The following LOXL2 variants were observed in gnomAD, a reference collection of about 807,000 sequenced individuals.
The protein encoded by LOXL2 is lysyl oxidase homolog 2.
LOXL2 carries 70 observed loss-of-function variants against 93.0 expected under a neutral mutation model. The observed-to-expected ratio is 0.75, with a 90% CI of 0.62 to 0.92. LOXL2 has a LOEUF of 0.92. Ranked by LOEUF, LOXL2 falls within the 40% of genes least tolerant of loss-of-function variation. The pLI, the probability that LOXL2 is intolerant of heterozygous loss-of-function variation, is 0.00. For missense variants in LOXL2, 973 were observed against 1,054.9 expected (o/e 0.92, Z 1.08); for synonymous variants, 438 against 413.2 (o/e 1.06, Z -0.73).
intron 1 of LOXL2, chr8:23,386,112 C>A: frequency 1.3e-6 from 1 of 752,196 alleles, no homozygotes; most frequent in South Asian, 1.4e-5. Flanking sequence ...AAAAAGTGAT[C>A]AAGCTGGAAT....
chr8:23,387,696 TC>T (rs977390057), intron 1 of LOXL2, among the ~76,000 whole-genome samples: 1 of 152,178 alleles, frequency 6.6e-6, no homozygotes, highest in Non-Finnish European at 1.5e-5. Flanking sequence ...ATGCCTGTAA[TC>T]CCAGCACTTT....
intron 3 of LOXL2, among the ~76,000 whole-genome samples, chr8:23,349,013 T>C (rs200862257): frequency 1.3e-5 from 1 of 78,242 alleles, no homozygotes; most frequent in African/African-American, 1.3e-4. Context: ...CTCTTCCTCT[T>C]TTCATCGAGT....
chr8:23,343,436 G>A (rs957104411), intron 3 of LOXL2, among the ~76,000 whole-genome samples: 5 of 152,250 alleles, frequency 3.3e-5, no homozygotes, highest in African/African-American at 9.6e-5. Context: ...CTGTGGGCGG[G>A]CCAGGGACTG....
chr8:23,371,302 C>A (rs1256997874), intron 1 of LOXL2, among the ~76,000 whole-genome samples: 2 of 152,108 alleles, frequency 1.3e-5, no homozygotes, highest in African/African-American at 4.8e-5. Context: ...GGGAATTCTT[C>A]AGGCAAAAGG....
intron 6 of LOXL2, among the ~76,000 whole-genome samples, chr8:23,327,438 T>C (rs1275817395): frequency 6.6e-6 from 1 of 152,188 alleles, no homozygotes; most frequent in African/African-American, 2.4e-5. Flanking sequence ...TCTGACACTA[T>C]GGAAATATCC....
rs117328086 is a variant in LOXL2, at chr8:23,353,559, G to A, written c.531+6531C>T. The stretch of plus-strand genomic sequence containing the variant: ...GGTTCTGCCTTCAATTCTGGAGTCC[G>A]AAACTGAGAATATACAATAAGATAT... On this transcript the variant is annotated intron_variant, in intron 3 of 13. Coordinates refer to ENST00000389131, the MANE Select transcript of LOXL2 (RefSeq NM_002318.3). Among the ~76,000 whole-genome samples, 622 of 152,174 alleles carry A rather than the reference G, an allele frequency of 4.1e-3. 3 individuals are homozygous for A. Among genetic ancestry groups the A allele is most frequent in the Middle Eastern group, 0.02 (6 of 294 alleles).
At position 23,298,870 on chromosome 8, in the gene LOXL2, G is replaced by C. The variant is rs373978855; in HGVS notation, c.2211C>G (p.Asp737Glu). The stretch of plus-strand genomic sequence containing the variant: ...AGTTGTACATCCAGATGCGGTGGCC[G>C]TCATAGCGGCTCCTGCATTTCATGA... ...NNIMKCRSRY[D>E]GHRIWMYNCH... is the part of the protein sequence containing the mutation. The change falls in exon 13 of 14, where the codon GAC (aspartate) becomes GAG (glutamate). Residue 737 changes from aspartate (D) to glutamate (E), a missense_variant. By Grantham distance (45) the Asp-to-Glu change is conservative. Transcript: ENST00000389131. 2 of 1,613,638 alleles carry C rather than the reference G, an allele frequency of 1.2e-6. No homozygotes were observed. The highest frequency in any genetic ancestry group is 4.5e-5 in the East Asian group (2 of 44,884).
intron 1 of LOXL2, among the ~76,000 whole-genome samples, chr8:23,402,066 ACG>A (rs1800157863): frequency 6.6e-6 from 1 of 151,978 alleles, no homozygotes; most frequent in African/African-American, 2.4e-5. Flanking sequence ...AAGTGCACAA[ACG>A]CGCACACACA....
In LOXL2 at chr8:23,333,387, T is replaced by G; in HGVS notation, c.966+14A>C. On this transcript the variant is annotated intron_variant, in intron 5 of 13. Coordinates refer to ENST00000389131, the MANE Select transcript of LOXL2 (RefSeq NM_002318.3). Reference sequence around the variant, plus strand: ...CCAGGTGCCAAGTGGCCACACCTCGTGCCCCGTCCTCACCTCTGGCTTGTA... The same window carrying G: ...CCAGGTGCCAAGTGGCCACACCTCGGGCCCCGTCCTCACCTCTGGCTTGTA... 1 of 1,613,000 alleles carries G rather than the reference T, an allele frequency of 6.2e-7. No individual in the cohort carries two copies. Among genetic ancestry groups the G allele is most frequent in the Non-Finnish European group, 8.5e-7 (1 of 1,179,402 alleles).
intron 3 of LOXL2, among the ~76,000 whole-genome samples, chr8:23,343,278 T>G (rs1803915131): frequency 6.6e-6 from 1 of 152,208 alleles, no homozygotes; most frequent in Non-Finnish European, 1.5e-5. Context: ...CTATGTCAAG[T>G]GTCTTCCTTG....
chr8:23,368,411 G>C lies in LOXL2; in HGVS notation c.-60C>G. ...CCTGCGCAGCTGGGAGGGACAGGCG[G>C]GGTACAGAAGCAGCAGGAGCTTTCT... On this transcript the variant is annotated 5_prime_UTR_variant, in exon 2 of 14. Coordinates refer to ENST00000389131, the MANE Select transcript of LOXL2 (RefSeq NM_002318.3). 1 of 1,445,900 alleles carries C rather than the reference G, an allele frequency of 6.9e-7. No individual in the cohort carries two copies. Among genetic ancestry groups the C allele is most frequent in the African/African-American group, 1.4e-5 (1 of 72,218 alleles). The allele number at this position is 1,445,900 out of a possible 1,614,324, so 89.6% of individuals were successfully genotyped here. A position where few individuals can be genotyped will look rare whatever the true frequency, so the allele number is the denominator to read the frequency against.
intron 2 of LOXL2, chr8:23,363,230 CT>C (rs1346919966): frequency 6.6e-6 from 1 of 152,178 alleles, no homozygotes; most frequent in African/African-American, 2.4e-5. Context: ...GAAACGGAGG[CT>C]CTTCAAGGTC....
At chr8:23,366,718 G>A (rs1347086968) in intron 2 of LOXL2, among the ~76,000 whole-genome samples, 1 of 152,232 alleles carries the variant, frequency 6.6e-6, no homozygotes, top group Admixed American at 6.5e-5. Context: ...CCAGACTTGT[G>A]CTGAGGTCTG....
rs747410012 is a variant in LOXL2 at position 23,368,434 on chromosome 8, T to C, written c.-83A>G. The C allele has an allele frequency of 3.3e-6, 4 of 1,195,116 alleles. No homozygotes were observed. Among genetic ancestry groups the C allele is most frequent in the Non-Finnish European group, 3.7e-6 (3 of 819,692 alleles). The allele number at this position is 1,195,116 out of a possible 1,614,324, so 74.0% of individuals were successfully genotyped here. On this transcript the variant is annotated splice_region_variant and 5_prime_UTR_variant, in exon 2 of 14. Coordinates refer to ENST00000389131, the MANE Select transcript of LOXL2 (RefSeq NM_002318.3). ...CGGGGTACAGAAGCAGCAGGAGCTTTCTGGAAGAGAGGAGAGATGCGTTAG... is the reference window on the plus strand; with the variant it reads ...CGGGGTACAGAAGCAGCAGGAGCTTCCTGGAAGAGAGGAGAGATGCGTTAG...
At chr8:23,332,868 A>T (rs1803725258) in intron 5 of LOXL2, among the ~76,000 whole-genome samples, 2 of 132,644 alleles carry the variant, frequency 1.5e-5, no homozygotes, top group African/African-American at 5.8e-5. Context: ...ACACTCATAC[A>T]CACGCACAGA....
intron 8 of LOXL2, among the ~76,000 whole-genome samples, chr8:23,319,231 C>T (rs529988265): frequency 4.0e-4 from 52 of 129,912 alleles, no homozygotes; most frequent in Middle Eastern, 4.1e-3. Flanking sequence ...GGTGGGAATG[C>T]GTCGGGATTA....
intron 6 of LOXL2, among the ~76,000 whole-genome samples, chr8:23,325,913 G>T (rs952542331): frequency 6.6e-6 from 1 of 152,224 alleles, no homozygotes; most frequent in Non-Finnish European, 1.5e-5. Flanking sequence ...AGAGCTGCAG[G>T]TGCTGTGCGT....
chr8:23,308,349 G>A (rs1803266190), intron 10 of LOXL2, among the ~76,000 whole-genome samples: 1 of 152,200 alleles, frequency 6.6e-6, no homozygotes, highest in African/African-American at 2.4e-5. Flanking sequence ...CAGGTCCCAG[G>A]CTCTCAGGTG....
chr8:23,344,647 G>T (rs11777856), intron 3 of LOXL2, among the ~76,000 whole-genome samples: 62,514 of 151,504 alleles, frequency 0.41, 13,982 homozygotes, highest in African/African-American at 0.6. Flanking sequence ...TGTGTGTGCC[G>T]GTGTGTCATG....
Sources: gnomAD v4.1 joint callset for allele counts (sites outside exome capture counted in the v4.1 genomes callset) on GRCh38, gnomAD v4.1.1 for gene constraint, MANE v1.5 for transcripts, NCBI Gene and HGNC (gene_info 2026-07-23, HGNC 2026-07-21) for gene names.